GCAT: variants seen among roughly 807,000 people sequenced by gnomAD.
GCAT encodes 2-amino-3-ketobutyrate coenzyme A ligase, mitochondrial.
In GCAT, 26 loss-of-function variants were observed where a neutral mutation model predicts 39.7. The ratio of observed to expected loss-of-function variants is 0.65; its 90% CI spans 0.48 to 0.91. The LOEUF is 0.91. Among genes scored for constraint, GCAT ranks in the 40% least tolerant of loss-of-function variants. The pLI, the probability that GCAT is intolerant of heterozygous loss-of-function variation, is 0.00. For synonymous variants in GCAT, 218 were observed against 237.2 expected (o/e 0.92, Z 0.74); for missense variants, 550 against 576.2 (o/e 0.95, Z 0.47).
chr22:37,808,289 C>A (rs186124324), intron 1 of GCAT, 126 bp downstream of exon 1: 2 of 710,930 alleles, frequency 2.8e-6, no homozygotes, highest in East Asian at 3.4e-5. Flanking sequence ...TCTCTCAGGG[C>A]GACTTTATGG....
At chr22:37,815,006 G>C in intron 4 of GCAT, 120 bp from the exon 5 acceptor site, 1 of 911,102 alleles carries the variant, frequency 1.1e-6, no homozygotes, top group Non-Finnish European at 1.7e-6. Flanking sequence ...TGGTACCTCT[G>C]TGCCCACCTC....
At chr22:37,813,252 A>G (rs539995753) in intron 3 of GCAT, 1 of 703,068 alleles carries the variant, frequency 1.4e-6, no homozygotes, top group East Asian at 2.7e-5. Context: ...TACTCACCAA[A>G]TATATTCTCA....
Position 37,816,557 on chromosome 22 carries a change from A to G in GCAT, c.1109-10A>G. The stretch of plus-strand genomic sequence containing the variant: ...TGGTTCTGGCACGCCCTTGCTTTCT[A>G]CCCTCCCAGGCATCTTTGTCATCGG... On this transcript the variant is annotated splice_polypyrimidine_tract_variant and intron_variant, in intron 8 of 8. Transcript: ENST00000248924. 1 of 1,613,548 alleles carries G rather than the reference A, an allele frequency of 6.2e-7. No individual in the cohort carries two copies. Among genetic ancestry groups the G allele is most frequent in the Non-Finnish European group, 8.5e-7 (1 of 1,179,832 alleles).
intron 2 of GCAT, among the ~76,000 whole-genome samples, chr22:37,811,515 C>T (rs1001438227): frequency 6.7e-6 from 1 of 149,482 alleles, no homozygotes; most frequent in Non-Finnish European, 1.5e-5. Context: ...CATAGAACAG[C>T]CTGGCACATA....
chr22:37,814,119 G>A (rs1921904513), intron 4 of GCAT, among the ~76,000 whole-genome samples: 1 of 152,052 alleles, frequency 6.6e-6, no homozygotes, highest in Non-Finnish European at 1.5e-5. Context: ...CCCTGTGTAT[G>A]TGTGACAGTC....
chr22:37,816,393 C>A, intron 8 of GCAT, 72 bp downstream of exon 8: 1 of 1,572,648 alleles, frequency 6.4e-7, no homozygotes, highest in Non-Finnish European at 8.6e-7. Flanking sequence ...TAGACTGTGA[C>A]CCAGCCCCGT....
In GCAT at chr22:37,815,287, C is replaced by T. The variant is rs755293979; in HGVS notation, c.731+7C>T. 1.9e-6 allele frequency: 3 copies of T among 1,612,092 alleles called. No individual in the cohort carries two copies. The highest frequency in any genetic ancestry group is 1.7e-5 in the Admixed American group (1 of 59,818). Reference sequence around the variant, plus strand: ...TCCTGGGGCCCACAGGACGGTGGGACCATGTGGCACCTGAGGCCTGGGGTG... The same window carrying T: ...TCCTGGGGCCCACAGGACGGTGGGATCATGTGGCACCTGAGGCCTGGGGTG... On this transcript the variant is annotated splice_region_variant and intron_variant, in intron 5 of 8. Transcript: ENST00000248924.
intron 4 of GCAT, among the ~76,000 whole-genome samples, chr22:37,813,818 T>C (rs1424321575): frequency 1.3e-5 from 2 of 151,414 alleles, no homozygotes; most frequent in Non-Finnish European, 2.9e-5. Flanking sequence ...AAGGCTGGAG[T>C]ATAGTGGTGT....
intron 3 of GCAT, 199 bp from the exon 4 acceptor site, chr22:37,813,264 C>T (rs1322076530): frequency 4.2e-6 from 3 of 713,902 alleles, no homozygotes; most frequent in South Asian, 1.5e-5. Context: ...ATATTCTCAC[C>T]TCCTCTTACT....
At position 37,815,163 on chromosome 22, in the gene GCAT, T is replaced by C. The variant is rs1922017807; in HGVS notation, c.614T>C (p.Phe205Ser). The change falls in exon 5 of 9, where the codon TTT becomes TCT. Residue 205 changes from phenylalanine to serine, a missense_variant. Phe to Ser is a radical substitution (Grantham distance 155). Around this residue, in one of 3 missense-constraint regions of GCAT, gnomAD observed 378 missense variants for 390.4 expected, o/e 0.97. Transcript: ENST00000248924. ...CGCCTGGTGGCCACTGATGGGGCCT[T>C]TTCCATGGATGGCGACATCGCACCC... ...RLRLVATDGA[F>S]SMDGDIAPLQ... 6.2e-7 allele frequency: 1 copy of C among 1,614,082 alleles called. No individual in the cohort carries two copies.
At chr22:37,808,657 C>A (rs1268167113) in intron 1 of GCAT, among the ~76,000 whole-genome samples, 3 of 152,058 alleles carry the variant, frequency 2.0e-5, no homozygotes, top group African/African-American at 7.2e-5. Flanking sequence ...ATGAGTTGGC[C>A]CTGCCAGGTC....
downstream of GCAT, chr22:37,816,999 A>C (rs573603264): frequency 1.6e-3 from 630 of 388,324 alleles, 2 homozygotes; most frequent in Non-Finnish European, 2.4e-3. Context: ...TGAGGACTGC[A>C]GATCTCCACT....
At position 37,812,949 on chromosome 22, in the gene GCAT, C is replaced by T; in HGVS notation, c.390C>T (p.Leu130=). The T allele has an allele frequency of 6.2e-7, 1 of 1,613,926 alleles. No individual in the cohort carries two copies. ...TCCACCAGCGGGAGGATGCCATCCT[C>T]TATCCCAGCTGTTATGACGCCAACG... ...ARFHQREDAI[L]YPSCYDANAG... is the part of the protein sequence containing the mutation. Residue 130 remains leucine, a synonymous_variant, in exon 3 of 9, where the codon CTC becomes CTT. Coordinates refer to ENST00000248924, the MANE Select transcript of GCAT (RefSeq NM_014291.4).
At chr22:37,808,224 T>C (rs1176106638) in intron 1 of GCAT, 61 bp downstream of exon 1, 5 of 1,330,060 alleles carry the variant, frequency 3.8e-6, no homozygotes, top group Middle Eastern at 2.6e-4. Flanking sequence ...GGAATGGAGG[T>C]CCTGGAGGTG....
In GCAT at chr22:37,815,733, C is replaced by T; in HGVS notation, c.885C>T (p.Ser295=). ...AGCGCGCCCGGCCATACCTCTTCTC[C>T]AACAGTCTGCCACCTGCTGTCGTTG... ...LRQRARPYLF[S]NSLPPAVVGC... The change falls in exon 7 of 9, where the codon TCC becomes TCT. Residue 295 remains serine, a synonymous_variant. Transcript: ENST00000248924. The T allele has an allele frequency of 2.5e-6, 4 of 1,613,830 alleles. No individual in the cohort carries two copies. Among genetic ancestry groups the T allele is most frequent in the Non-Finnish European group, 3.4e-6 (4 of 1,179,906 alleles).
At chr22:37,815,966 G>A in intron 7 of GCAT, 132 bp downstream of exon 7, 1 of 1,083,364 alleles carries the variant, frequency 9.2e-7, no homozygotes, top group Non-Finnish European at 1.3e-6. Flanking sequence ...CCTTCTCTCT[G>A]TCCCTGCCTC....
At chr22:37,813,234 G>A (rs1393658416) in intron 3 of GCAT, 1 of 667,630 alleles carries the variant, frequency 1.5e-6, no homozygotes, top group East Asian at 2.7e-5. Flanking sequence ...GGGGAGGCGG[G>A]GGCCTGGTAC....
chr22:37,813,110 C>G (rs139171271), intron 3 of GCAT, 122 bp downstream of exon 3: 2 of 747,714 alleles, frequency 2.7e-6, no homozygotes, highest in Admixed American at 2.1e-5. Flanking sequence ...CTCCAGAGCC[C>G]GCTTCTGGAG....
chr22:37,815,830 C>G lies in GCAT; in HGVS notation c.982C>G (p.Gln328Glu), dbSNP rs1023719413. 4 of 1,613,774 alleles carry G rather than the reference C, an allele frequency of 2.5e-6. No homozygotes were observed. In the African/African-American group the frequency reaches 5.3e-5, roughly 22 times the overall value. Residue 328 changes from glutamine to glutamate, a missense_variant, in exon 7 of 9, where the codon CAG (glutamine) becomes GAG (glutamate). Coordinates refer to ENST00000248924, the MANE Select transcript of GCAT (RefSeq NM_014291.4). ...TIVQSMAAKT[Q>E]RFRSKMEAAG... is the part of the protein sequence containing the mutation. ...TGTCCAGTCTATGGCTGCCAAGACCCAGAGGTGCGACTCCCAGCAGGGCAG... is the reference window on the plus strand; with the variant it reads ...TGTCCAGTCTATGGCTGCCAAGACCGAGAGGTGCGACTCCCAGCAGGGCAG...
Sources: allele counts gnomAD v4.1 joint callset (sites outside exome capture counted in the v4.1 genomes callset), GRCh38; gene constraint gnomAD v4.1.1; regional missense constraint gnomAD v4.1.1; transcripts MANE v1.5; gene names NCBI Gene and HGNC (gene_info 2026-07-23, HGNC 2026-07-21).